VAPB: variants seen among roughly 807,000 people sequenced by gnomAD.
VAPB encodes the protein VAMP associated protein B and C, also known as vesicle-associated membrane protein-associated protein B/C.
A neutral mutation model predicts 25.6 loss-of-function variants in VAPB; 7 were observed. The observed-to-expected ratio is 0.27, with a 90% CI of 0.16 to 0.51. The LOEUF is 0.51. Ranked by LOEUF, VAPB falls within the 20% of genes least tolerant of loss-of-function variation. The pLI, the probability that VAPB is intolerant of heterozygous loss-of-function variation, is 0.97. For missense variants in VAPB, 266 were observed against 301.3 expected (o/e 0.88, Z 0.87); for synonymous variants, 112 against 109.2 (o/e 1.03, Z -0.16).
intron 1 of VAPB, among the ~76,000 whole-genome samples, chr20:58,416,555 C>T (rs926209424): frequency 7.7e-5 from 11 of 143,252 alleles, no homozygotes; most frequent in South Asian, 2.3e-4. Context: ...GACAAAATCA[C>T]ACAGAAACAA....
At position 58,448,653 on chromosome 20, in the gene VAPB, C is replaced by T. The variant is rs774417253; in HGVS notation, c.*4418C>T. 3.3e-5 allele frequency: 15 copies of T among 453,870 alleles called. No homozygotes were observed. The highest frequency in any genetic ancestry group is 2.4e-4 in the African/African-American group (12 of 49,990). The allele number at this position is 453,870 out of a possible 1,614,324, so 28.1% of individuals were successfully genotyped here. A position where few individuals can be genotyped will look rare whatever the true frequency, so the allele number is the denominator to read the frequency against. ...GCCTTCCTGCCTCAGCTACTCTGCC[C>T]GTCTGTACATCTTTTGTGTCTGCCT... On this transcript the variant is annotated 3_prime_UTR_variant, in exon 6 of 6. Transcript: ENST00000475243.
chr20:58,394,736 C>T (rs1445255535), intron 1 of VAPB, among the ~76,000 whole-genome samples: 1 of 152,158 alleles, frequency 6.6e-6, no homozygotes, highest in African/African-American at 2.4e-5. Context: ...CAGTTAACTC[C>T]TTAGGGGAAA....
intron 1 of VAPB, chr20:58,390,228 T>C (rs6026230): frequency 0.33 from 49,906 of 151,910 alleles, 8,886 homozygotes; most frequent in African/African-American, 0.47. Flanking sequence ...CTGGTTGCGG[T>C]GCAAGGAGGC....
At chr20:58,396,543 T>C (rs1448266255) in intron 1 of VAPB, among the ~76,000 whole-genome samples, 4 of 152,160 alleles carry the variant, frequency 2.6e-5, no homozygotes, top group African/African-American at 9.7e-5. Flanking sequence ...GAGCTCTAAG[T>C]TCCTTGAGTT....
At chr20:58,391,123 A>G (rs1312746739) in intron 1 of VAPB, among the ~76,000 whole-genome samples, 1 of 152,178 alleles carries the variant, frequency 6.6e-6, no homozygotes, top group Non-Finnish European at 1.5e-5. Context: ...GAGTTGTCTG[A>G]AGTTCTTTCT....
intron 1 of VAPB, among the ~76,000 whole-genome samples, chr20:58,413,774 G>A (rs1409739431): frequency 1.3e-5 from 2 of 151,282 alleles, no homozygotes; most frequent in Non-Finnish European, 3.0e-5. Flanking sequence ...CGGGCGGGGG[G>A]CTGACCTCCC....
In VAPB at chr20:58,418,308, C is replaced by A. The variant is rs749580878; in HGVS notation, c.156C>A (p.Tyr52Ter). The A allele has an allele frequency of 6.2e-7, 1 of 1,614,200 alleles. No homozygotes were observed. Among genetic ancestry groups the A allele is most frequent in the African/African-American group, 1.3e-5 (1 of 75,042 alleles). ...FKVKTTAPRR[Y>*]CVRPNSGIID... ...TGAAGACTACAGCACCACGTAGGTACTGTGTGAGGCCCAACAGCGGAATCA... is the reference window on the plus strand; with the variant it reads ...TGAAGACTACAGCACCACGTAGGTAATGTGTGAGGCCCAACAGCGGAATCA... Residue 52 changes from tyrosine (Y) to a stop codon, truncating the protein, a stop_gained, in exon 2 of 6, where the codon TAC becomes TAA. Coordinates refer to ENST00000475243, the MANE Select transcript of VAPB (RefSeq NM_004738.5). LOFTEE classifies it high-confidence loss of function.
At position 58,429,237 on chromosome 20, in the gene VAPB, C is replaced by T. The variant is rs182480689; in HGVS notation, c.212-5365C>T. Among the ~76,000 whole-genome samples, 17 of 152,134 alleles carry T rather than the reference C, an allele frequency of 1.1e-4. No individual in the cohort carries two copies. The East Asian group carries it at 2.3e-3, about 21-fold the overall frequency. ...CAGAACTTCCTGAAAGTTGACATGCCGGTAGGGCACAGTTTTTATTCCCAA... is the reference window on the plus strand; with the variant it reads ...CAGAACTTCCTGAAAGTTGACATGCTGGTAGGGCACAGTTTTTATTCCCAA... On this transcript the variant is annotated intron_variant, in intron 2 of 5. Transcript: ENST00000475243.
intron 1 of VAPB, among the ~76,000 whole-genome samples, chr20:58,415,870 A>T (rs1309997234): frequency 6.6e-6 from 1 of 152,230 alleles, no homozygotes; most frequent in South Asian, 2.1e-4. Flanking sequence ...GAGAACACTA[A>T]CATGGTTTAT....
chr20:58,449,064 C>G lies in VAPB; in HGVS notation c.*4829C>G, dbSNP rs1239411659. On this transcript the variant is annotated 3_prime_UTR_variant, in exon 6 of 6. Coordinates refer to ENST00000475243, the MANE Select transcript of VAPB (RefSeq NM_004738.5). The stretch of plus-strand genomic sequence containing the variant: ...TTAGCACTGCGGTTCTCCAGGATAT[C>G]AGCAAAGAGGGCAAGTAATAGAAGC... 1 of 454,136 alleles carries G rather than the reference C, an allele frequency of 2.2e-6. No individual in the cohort carries two copies. The highest frequency in any genetic ancestry group is 6.9e-5 in the East Asian group (1 of 14,396). 28.1% of individuals were successfully genotyped at this position (454,136 alleles called of 1,614,324 possible). A position where few individuals can be genotyped will look rare whatever the true frequency, so the allele number is the denominator to read the frequency against.
chr20:58,433,189 A>T (rs1417918663), intron 2 of VAPB, among the ~76,000 whole-genome samples: 1 of 152,140 alleles, frequency 6.6e-6, no homozygotes, highest in Non-Finnish European at 1.5e-5. Context: ...AATCTAGCTC[A>T]TATTGGAGTG....
At chr20:58,390,591 A>C (rs754105180) in intron 1 of VAPB, among the ~76,000 whole-genome samples, 14 of 152,152 alleles carry the variant, frequency 9.2e-5, no homozygotes, top group Non-Finnish European at 1.8e-4. Context: ...GATAGTGCTA[A>C]GTGCTGTGTA....
At chr20:58,422,073 T>G (rs1020095583) in intron 2 of VAPB, among the ~76,000 whole-genome samples, 9 of 152,216 alleles carry the variant, frequency 5.9e-5, no homozygotes, top group Non-Finnish European at 1.2e-4. Context: ...TTTGTGTCAG[T>G]GGATTATAAT....
chr20:58,407,261 A>G (rs959486157), intron 1 of VAPB, among the ~76,000 whole-genome samples: 1 of 152,198 alleles, frequency 6.6e-6, no homozygotes. Context: ...TTTTGTCAGA[A>G]TTGTACACAT....
intron 1 of VAPB, among the ~76,000 whole-genome samples, chr20:58,397,519 CAA>C (rs535438075): frequency 5.3e-5 from 6 of 112,920 alleles, no homozygotes; most frequent in Admixed American, 9.2e-5. Context: ...AACTCTGTCT[CAA>C]AAAAAAAAAA....
intron 1 of VAPB, among the ~76,000 whole-genome samples, chr20:58,395,574 T>G (rs1368859713): frequency 1.3e-5 from 2 of 152,242 alleles, no homozygotes; most frequent in Non-Finnish European, 2.9e-5. Flanking sequence ...AGTGCTGAGT[T>G]CCATTAGTCA....
At position 58,448,560 on chromosome 20, in the gene VAPB, G is replaced by T. The variant is rs1188971407; in HGVS notation, c.*4325G>T. ...ACTTTTTAGAACTAAATCAGTCTCTGTAAGGCCTACATTGCTAAGATACCA... is the reference window on the plus strand; with the variant it reads ...ACTTTTTAGAACTAAATCAGTCTCTTTAAGGCCTACATTGCTAAGATACCA... On this transcript the variant is annotated 3_prime_UTR_variant, in exon 6 of 6. Transcript: ENST00000475243. 1 of 453,988 alleles carries T rather than the reference G, an allele frequency of 2.2e-6. No individual in the cohort carries two copies. Among genetic ancestry groups the T allele is most frequent in the East Asian group, 6.9e-5 (1 of 14,412 alleles). 28.1% of individuals were successfully genotyped at this position (453,988 alleles called of 1,614,324 possible).
chr20:58,431,057 C>G (rs1397069470), intron 2 of VAPB: 2 of 152,202 alleles, frequency 1.3e-5, no homozygotes, highest in Non-Finnish European at 2.9e-5. Context: ...TAAATCTGAA[C>G]ATTCTTCGAT....
At chr20:58,405,145 G>A (rs1568701374) in intron 1 of VAPB, among the ~76,000 whole-genome samples, 1 of 152,200 alleles carries the variant, frequency 6.6e-6, no homozygotes, top group Non-Finnish European at 1.5e-5. Flanking sequence ...GGTCATTTAA[G>A]TAGGGTGATT....
Sources: allele counts gnomAD v4.1 joint callset (sites outside exome capture counted in the v4.1 genomes callset), GRCh38; gene constraint gnomAD v4.1.1; transcripts MANE v1.5; gene names NCBI Gene and HGNC (gene_info 2026-07-23, HGNC 2026-07-21).